Variants in TMEM144 observed in about 807,000 individuals in gnomAD.
The protein encoded by TMEM144 is transmembrane protein 144.
Under a neutral mutation model 43.6 loss-of-function variants are expected in TMEM144, and 39 were observed. That is an observed-to-expected ratio of 0.90 (90% CI 0.69 to 1.17). TMEM144 has a LOEUF of 1.17. Ranked by LOEUF, TMEM144 falls within the 50% of genes most tolerant of loss-of-function variation. TMEM144 has a pLI of 0.00. For missense variants in TMEM144, 417 were observed against 411.9 expected (o/e 1.01, Z -0.11); for synonymous variants, 154 against 133.6 (o/e 1.15, Z -1.06).
intron 6 of TMEM144, among the ~76,000 whole-genome samples, chr4:158,224,580 A>G (rs945309567): frequency 6.6e-6 from 1 of 152,154 alleles, no homozygotes; most frequent in Non-Finnish European, 1.5e-5. Context: ...ACTTATAATA[A>G]CCGTAAAATA....
intron 7 of TMEM144, 137 bp from the exon 8 acceptor site, chr4:158,235,301 C>A: frequency 1.2e-6 from 1 of 806,028 alleles, no homozygotes; most frequent in Non-Finnish European, 1.9e-6. Context: ...TTAGAGATAT[C>A]AGAATGCATA....
intron 9 of TMEM144, among the ~76,000 whole-genome samples, chr4:158,238,566 CAT>C (rs1365667735): frequency 1.3e-5 from 2 of 151,966 alleles, no homozygotes; most frequent in Admixed American, 1.3e-4. Flanking sequence ...AATAGAATAA[CAT>C]AGAATAAATT....
At chr4:158,228,854 C>T (rs1487278820) in intron 6 of TMEM144, among the ~76,000 whole-genome samples, 2 of 152,148 alleles carry the variant, frequency 1.3e-5, no homozygotes, top group East Asian at 3.9e-4. Context: ...TCTTAAGAGC[C>T]AAGCTCCCCA....
At chr4:158,240,442 T>G (rs1428173520) in intron 10 of TMEM144, 24 bp downstream of exon 10, 1 of 1,576,768 alleles carries the variant, frequency 6.3e-7, no homozygotes, top group Admixed American at 2.0e-5. Flanking sequence ...CTACAGATCT[T>G]CTTACTATAT....
intron 9 of TMEM144, among the ~76,000 whole-genome samples, chr4:158,238,419 G>A (rs892350666): frequency 3.3e-5 from 5 of 152,168 alleles, no homozygotes; most frequent in African/African-American, 9.7e-5. Context: ...CTGAGTAGAT[G>A]CCATAATTTC....
intron 8 of TMEM144, among the ~76,000 whole-genome samples, chr4:158,237,177 T>C (rs887774021): frequency 1.3e-5 from 2 of 152,232 alleles, no homozygotes; most frequent in African/African-American, 2.4e-5. Flanking sequence ...TATATAGATA[T>C]CTCAATTTAA....
chr4:158,212,693 C>T lies in TMEM144; in HGVS notation c.26C>T (p.Thr9Ile). Residue 9 changes from threonine (T) to isoleucine (I), a missense_variant, in exon 3 of 13, where the codon ACC becomes ATC. Thr to Ile is a moderately conservative substitution (Grantham distance 89). Coordinates refer to ENST00000296529, the MANE Select transcript of TMEM144 (RefSeq NM_018342.5). ...ATGAGCAACAATGGAGCAGACCTAA[C>T]CTTTGGTTACATCTCCTGTTTTGTA... MSNNGADL[T>I]FGYISCFVAI... 1 of 1,613,590 alleles carries T rather than the reference C, an allele frequency of 6.2e-7. No individual in the cohort carries two copies. Among genetic ancestry groups the T allele is most frequent in the Non-Finnish European group, 8.5e-7 (1 of 1,179,824 alleles).
chr4:158,228,619 C>T (rs563243674), intron 6 of TMEM144, among the ~76,000 whole-genome samples: 94 of 152,264 alleles, frequency 6.2e-4, no homozygotes, highest in African/African-American at 2.2e-3. Flanking sequence ...CCCGGGAGCG[C>T]TCTCAGGATC....
chr4:158,229,173 C>G (rs1210700135), intron 6 of TMEM144, among the ~76,000 whole-genome samples: 3 of 152,114 alleles, frequency 2.0e-5, no homozygotes, highest in Non-Finnish European at 4.4e-5. Flanking sequence ...GGCTACCTGC[C>G]TTTAGTTTCG....
rs1025842591 is a variant in TMEM144, at chr4:158,241,539, C to G, written c.833C>G (p.Ala278Gly). The change falls in exon 11 of 13, where the codon GCT becomes GGT. Residue 278 changes from alanine to glycine, a missense_variant. By Grantham distance (60) the Ala-to-Gly change is moderately conservative. Coordinates refer to ENST00000296529, the MANE Select transcript of TMEM144 (RefSeq NM_018342.5). ...CTGTCAGGAGTACTTTGGGCTATAG[C>G]TACCTGCTGTTGGTTCATAGCAAAT... ...GFLSGVLWAI[A>G]TCCWFIANHS... 2 of 1,613,982 alleles carry G rather than the reference C, an allele frequency of 1.2e-6. No homozygotes were observed. Among genetic ancestry groups the G allele is most frequent in the South Asian group, 1.1e-5 (1 of 91,076 alleles).
chr4:158,228,770 A>G (rs964337668), intron 6 of TMEM144, among the ~76,000 whole-genome samples: 1 of 152,158 alleles, frequency 6.6e-6, no homozygotes, highest in Non-Finnish European at 1.5e-5. Flanking sequence ...GAGGAGCCGC[A>G]GACAAAACTC....
At chr4:158,236,363 A>T (rs1579133484) in intron 8 of TMEM144, among the ~76,000 whole-genome samples, 2 of 152,192 alleles carry the variant, frequency 1.3e-5, no homozygotes, top group East Asian at 3.9e-4. Context: ...TCAAACAAAA[A>T]ATTTTTTCAA....
Position 158,253,667 on chromosome 4 carries a change from T to C in TMEM144, c.*140T>C, listed in dbSNP as rs184372128. ...TGTTGGAGTGGGTAAATGATTTTTT[T>C]CCCCAAAAATGTGAGAATGAAGGAA... is the stretch of plus-strand genomic sequence containing the variant. On this transcript the variant is annotated 3_prime_UTR_variant, in exon 13 of 13. Transcript: ENST00000296529. 1.3e-3 allele frequency: 803 copies of C among 641,332 alleles called. 5 individuals are homozygous for C. The East Asian group carries it at 0.015, about 12-fold the overall frequency. The allele number at this position is 641,332 out of a possible 1,614,324, so 39.7% of individuals were successfully genotyped here. A position where few individuals can be genotyped will look rare whatever the true frequency, so the allele number is the denominator to read the frequency against.
At chr4:158,222,777 G>A (rs538766130) in intron 6 of TMEM144, among the ~76,000 whole-genome samples, 3 of 152,286 alleles carry the variant, frequency 2.0e-5, no homozygotes, top group African/African-American at 7.2e-5. Flanking sequence ...AACTGCACGT[G>A]CACACACACA....
At chr4:158,232,037 A>G (rs377164080) in intron 6 of TMEM144, among the ~76,000 whole-genome samples, 133 of 152,320 alleles carry the variant, frequency 8.7e-4, no homozygotes, top group African/African-American at 3.0e-3. Flanking sequence ...GAAATGTTGA[A>G]CCATGCAAAT....
rs777121804 is a variant in TMEM144, at chr4:158,239,888, GT to G, written c.683-396del. On this transcript the variant is annotated intron_variant, in intron 9 of 12. Transcript: ENST00000296529. ...AGGATGATTAAATATAATTAATGGGGTTTTTTTTTTTTTTTGAGACAGAGTC... is the reference window on the plus strand; with the variant it reads ...AGGATGATTAAATATAATTAATGGGGTTTTTTTTTTTTTTGAGACAGAGTC... Among the ~76,000 whole-genome samples, 1,072 of 139,368 alleles carry G rather than the reference GT, an allele frequency of 7.7e-3. 8 individuals are homozygous for G. Among genetic ancestry groups the G allele is most frequent in the African/African-American group, 6.9e-3 (265 of 38,364 alleles). The allele number at this position is 139,368 out of a possible 152,430, so 91.4% of individuals were successfully genotyped here.
chr4:158,252,126 C>A (rs553972297), intron 12 of TMEM144, among the ~76,000 whole-genome samples: 1 of 152,096 alleles, frequency 6.6e-6, no homozygotes, highest in East Asian at 1.9e-4. Context: ...ATATTAAAAT[C>A]GATCTATCTG....
intron 12 of TMEM144, among the ~76,000 whole-genome samples, chr4:158,252,566 GA>G (rs1736259577): frequency 6.6e-6 from 1 of 152,078 alleles, no homozygotes; most frequent in Non-Finnish European, 1.5e-5. Context: ...ACCCAAATTT[GA>G]GAGGCAGAGG....
rs1734277609 is a variant in TMEM144, at chr4:158,217,369, G to T, written c.281G>T (p.Gly94Val). The change falls in exon 5 of 13, where the codon GGA (glycine) becomes GTA (valine). Residue 94 changes from glycine to valine, a missense_variant. Transcript: ENST00000296529. ...PIIKTIGLGLGILIWGSFNAL... is the reference protein window; with the variant it reads ...PIIKTIGLGLVILIWGSFNAL... The stretch of plus-strand genomic sequence containing the variant: ...ATCAAAACCATTGGTTTAGGCCTTG[G>T]AATCTTAATCTGGGGATCATTTAAT... 1.2e-6 allele frequency: 2 copies of T among 1,613,192 alleles called. No homozygotes were observed. Among genetic ancestry groups the T allele is most frequent in the Non-Finnish European group, 1.7e-6 (2 of 1,179,454 alleles).
Sources: gnomAD v4.1 joint callset for allele counts (sites outside exome capture counted in the v4.1 genomes callset) on GRCh38, gnomAD v4.1.1 for gene constraint, MANE v1.5 for transcripts, NCBI Gene and HGNC (gene_info 2026-07-23, HGNC 2026-07-21) for gene names.